The following CHD2 variants were observed in gnomAD, a reference collection of about 807,000 sequenced individuals.
CHD2 encodes ATP-dependent chromatin remodeler CHD2.
Under a neutral mutation model 243.9 loss-of-function variants are expected in CHD2, and 28 were observed. That is an observed-to-expected ratio of 0.11 (90% CI 0.09 to 0.16). The LOEUF is 0.16. CHD2 is among the 10% of genes least tolerant of loss of function. CHD2 has a pLI of 1.00. For missense variants in CHD2, 1,386 were observed against 2,209.8 expected, an observed-to-expected ratio of 0.63 and a Z score of 7.47; for synonymous variants, 775 against 779.0, an observed-to-expected ratio of 0.99 and a Z score of 0.09.
intron 31 of CHD2, among the ~76,000 whole-genome samples, chr15:92,999,043 C>T (rs1320754069): frequency 7.8e-6 from 1 of 128,470 alleles, no homozygotes; most frequent in Non-Finnish European, 1.5e-5. Flanking sequence ...GAGTTCGGGC[C>T]ACTGCACTCC....
rs555885757 is a variant in CHD2, at chr15:93,026,153, G to C, written c.*1448G>C. The stretch of plus-strand genomic sequence containing the variant: ...GTTTTATTCTCAGTATAGATTGCCA[G>C]TATTGTTAAGAGTATCCAAAGGCCT... On this transcript the variant is annotated 3_prime_UTR_variant, in exon 39 of 39. Transcript: ENST00000394196. 2.6e-5 allele frequency: 4 copies of C among 152,622 alleles called. No individual in the cohort carries two copies. The highest frequency in any genetic ancestry group is 2.0e-4 in the Admixed American group (3 of 15,284). The allele number at this position is 152,622 out of a possible 1,614,324, so 9.5% of individuals were successfully genotyped here.
rs564010470 is a variant in CHD2 at position 93,027,840 on chromosome 15, C to A, written c.*3135C>A. 6.5e-5 allele frequency: 10 copies of A among 152,722 alleles called. No homozygotes were observed. In the South Asian group the frequency reaches 2.1e-3, roughly 32 times the overall value. 9.5% of individuals were successfully genotyped at this position (152,722 alleles called of 1,614,324 possible). A position where few individuals can be genotyped will look rare whatever the true frequency, so the allele number is the denominator to read the frequency against. On this transcript the variant is annotated 3_prime_UTR_variant, in exon 39 of 39. Transcript: ENST00000394196. ...GGACTTTTAAAACCTGTTGACTAAA[C>A]AGTAATTAATTTATATTTGTGAAAA...
At chr15:92,992,432 T>G (rs2054131849) in intron 27 of CHD2, among the ~76,000 whole-genome samples, 1 of 152,192 alleles carries the variant, frequency 6.6e-6, no homozygotes. Flanking sequence ...CAACTAAACA[T>G]ATAGTAGAAG....
intron 20 of CHD2, among the ~76,000 whole-genome samples, chr15:92,976,687 A>G (rs2053913633): frequency 1.3e-5 from 2 of 151,788 alleles, no homozygotes; most frequent in South Asian, 4.2e-4. Flanking sequence ...CATGTTATTA[A>G]AGATTTTACA....
chr15:92,986,939 G>A (rs373117480), intron 26 of CHD2, among the ~76,000 whole-genome samples: 6 of 151,832 alleles, frequency 4.0e-5, no homozygotes, highest in African/African-American at 1.5e-4. Flanking sequence ...GTTTCATTAT[G>A]TTGCCCAGGC....
chr15:93,014,937 G>C (rs759547424), intron 37 of CHD2, 28 bp downstream of exon 37: 5 of 1,586,760 alleles, frequency 3.2e-6, no homozygotes, highest in Non-Finnish European at 3.5e-6. Flanking sequence ...GTTTTTAAAA[G>C]AGGTGCCAAA....
At chr15:92,949,118 G>T in intron 13 of CHD2, 42 bp downstream of exon 13, 1 of 1,591,666 alleles carries the variant, frequency 6.3e-7, no homozygotes, top group Non-Finnish European at 8.5e-7. Flanking sequence ...TACTGTTTCT[G>T]GCTTCTTTAT....
At chr15:92,963,936 A>G (rs1002297405) in intron 16 of CHD2, among the ~76,000 whole-genome samples, 2 of 152,248 alleles carry the variant, frequency 1.3e-5, no homozygotes, top group African/African-American at 4.8e-5. Flanking sequence ...TCTACCAGTG[A>G]ATACTTAGCC....
Position 93,020,149 on chromosome 15 carries a change from G to A in CHD2, c.5044G>A (p.Asp1682Asn). ...CCATTATGGGGACCGGCGACATATG[G>A]ATGCCCACCGTTCCGGAAGCTATCG... Reference protein sequence around the residue: ...DHHYGDRRHMDAHRSGSYRPN... With the variant: ...DHHYGDRRHMNAHRSGSYRPN... The change falls in exon 38 of 39, where the codon GAT becomes AAT. Residue 1682 changes from aspartate (D) to asparagine (N), a missense_variant. Asp to Asn is a conservative substitution (Grantham distance 23, BLOSUM62 1). Transcript: ENST00000394196. 1 of 1,614,060 alleles carries A rather than the reference G, an allele frequency of 6.2e-7. No homozygotes were observed. Among genetic ancestry groups the A allele is most frequent in the Non-Finnish European group, 8.5e-7 (1 of 1,180,012 alleles).
At chr15:92,948,370 A>G (rs1318323137) in intron 12 of CHD2, among the ~76,000 whole-genome samples, 1 of 152,200 alleles carries the variant, frequency 6.6e-6, no homozygotes, top group African/African-American at 2.4e-5. Context: ...TCTGACTGCC[A>G]TATAATAGAC....
rs115512847 is a variant in CHD2, at chr15:92,944,884, G to A, written c.1153+369G>A. The A allele has an allele frequency of 2.6e-3, 411 of 155,180 alleles. 1 individual carries two copies. The highest frequency in any genetic ancestry group is 8.2e-3 in the African/African-American group (340 of 41,628). The allele number at this position is 155,180 out of a possible 1,614,324, so 9.6% of individuals were successfully genotyped here. ...GAATATAGTGAAGGCTGGAGCATAT[G>A]TGAACCTGGAGCTTAGGACTCTTTA... On this transcript the variant is annotated intron_variant, in intron 10 of 38. Transcript: ENST00000394196.
At chr15:92,976,878 G>A (rs34026217) in intron 20 of CHD2, among the ~76,000 whole-genome samples, 33,279 of 148,560 alleles carry the variant, frequency 0.22, 4,131 homozygotes, top group Middle Eastern at 0.32. Flanking sequence ...CAGCCTGGGT[G>A]ACAGAATGAG....
chr15:92,926,175 G>A (rs1270167330), intron 3 of CHD2, among the ~76,000 whole-genome samples: 3 of 152,144 alleles, frequency 2.0e-5, no homozygotes, highest in Admixed American at 6.5e-5. Flanking sequence ...ATCTCCCTAC[G>A]TAGCCCAGGC....
At chr15:92,954,900 T>A (rs2053599628) in intron 14 of CHD2, among the ~76,000 whole-genome samples, 1 of 152,220 alleles carries the variant, frequency 6.6e-6, no homozygotes, top group African/African-American at 2.4e-5. Context: ...GTACTCATCT[T>A]TGTGTTCTTT....
chr15:92,992,802 C>T (rs1290658690), intron 27 of CHD2, 57 bp from the exon 28 acceptor site: 49 of 1,594,000 alleles, frequency 3.1e-5, no homozygotes, highest in Non-Finnish European at 3.9e-5. Flanking sequence ...CATCTCATGA[C>T]ACTTAAGAAG....
At position 92,984,313 on chromosome 15, in the gene CHD2, G is replaced by C; in HGVS notation, c.3067-17G>C. ...TAGAAATAGGGAAATGTCAGACAAT[G>C]GGTTGTCTGTTTTAAGGTTGCCAAC... On this transcript the variant is annotated splice_polypyrimidine_tract_variant and intron_variant, in intron 24 of 38. Coordinates refer to ENST00000394196, the MANE Select transcript of CHD2 (RefSeq NM_001271.4). 1 of 1,524,088 alleles carries C rather than the reference G, an allele frequency of 6.6e-7. No individual in the cohort carries two copies. The highest frequency in any genetic ancestry group is 1.3e-5 in the South Asian group (1 of 74,442). The allele number at this position is 1,524,088 out of a possible 1,614,324, so 94.4% of individuals were successfully genotyped here.
chr15:93,003,815 C>G (rs2054287655), intron 33 of CHD2, among the ~76,000 whole-genome samples: 9 of 122,456 alleles, frequency 7.3e-5, no homozygotes, highest in Admixed American at 7.0e-4. Flanking sequence ...ACAAAGCATA[C>G]TGTATGCTTA....
chr15:92,939,602 A>G lies in CHD2; in HGVS notation c.576A>G (p.Lys192=). Residue 192 remains lysine (K), a synonymous_variant, in exon 7 of 39, where the codon AAA becomes AAG. Coordinates refer to ENST00000394196, the MANE Select transcript of CHD2 (RefSeq NM_001271.4). The stretch of plus-strand genomic sequence containing the variant: ...GAACAGTGCCCAAACCTCGTGTTAA[A>G]AAGCAGCCGAAGACTCAGCGTGGAA... ...PRRTVPKPRV[K]KQPKTQRGKR... The G allele has an allele frequency of 6.2e-7, 1 of 1,614,046 alleles. No homozygotes were observed. The highest frequency in any genetic ancestry group is 8.5e-7 in the Non-Finnish European group (1 of 1,179,974).
At chr15:92,986,032 A>G (rs1273194342) in intron 26 of CHD2, among the ~76,000 whole-genome samples, 2 of 152,062 alleles carry the variant, frequency 1.3e-5, no homozygotes, top group South Asian at 2.1e-4. Context: ...AAATAAGTCT[A>G]CCCTCACTAC....
Sources: gnomAD v4.1 joint callset for allele counts (sites outside exome capture counted in the v4.1 genomes callset) on GRCh38, gnomAD v4.1.1 for gene constraint, MANE v1.5 for transcripts, NCBI Gene and HGNC (gene_info 2026-07-23, HGNC 2026-07-21) for gene names.